RPAP2: variants seen among roughly 807,000 people sequenced by gnomAD.
RPAP2 encodes the protein RNA polymerase II associated protein 2.
In RPAP2, 52 loss-of-function variants were observed where a neutral mutation model predicts 73.1. The observed-to-expected ratio is 0.71, with a 90% CI of 0.57 to 0.90. The LOEUF (loss-of-function observed/expected upper bound fraction) is 0.90. RPAP2 is among the 40% of genes least tolerant of loss of function. RPAP2 has a pLI of 0.00. For missense variants in RPAP2, 598 were observed against 701.8 expected (o/e 0.85, Z 1.67); for synonymous variants, 225 against 242.1 (o/e 0.93, Z 0.65).
rs1188527446 is a variant in RPAP2, at chr1:92,393,870, T to C, written c.*6859T>C. ...TGGAAAAATTGGAACGCTTTTACAC[T>C]GTTGGTGGGAGTGCAAATTAGTCCG... On this transcript the variant is annotated 3_prime_UTR_variant, in exon 13 of 13. Transcript: ENST00000610020. 1 of 152,230 alleles carries C rather than the reference T, an allele frequency of 6.6e-6. No homozygotes were observed. The highest frequency in any genetic ancestry group is 1.5e-5 in the Non-Finnish European group (1 of 68,044). The allele number at this position is 152,230 out of a possible 1,614,324, so 9.4% of individuals were successfully genotyped here.
Position 92,301,537 on chromosome 1 carries a change from A to G in RPAP2, c.181A>G (p.Ile61Val), listed in dbSNP as rs1443666303. ...TGAATTTGAGAGAAAAGCTCTACAT[A>G]TTGTTGAACAGCTTTTAGAGGAGAA... Reference protein sequence around the residue: ...KIEFERKALHIVEQLLEENIT... With the variant: ...KIEFERKALHVVEQLLEENIT... The change falls in exon 3 of 13, where the codon ATT (isoleucine) becomes GTT (valine). Residue 61 changes from isoleucine (I) to valine (V), a missense_variant. Physicochemically the swap from Ile to Val is conservative, Grantham distance 29 (BLOSUM62 3). Around this residue, in one of 3 missense-constraint regions of RPAP2, gnomAD observed 506 missense variants for 612.8 expected, o/e 0.83. Transcript: ENST00000610020. The G allele has an allele frequency of 6.3e-7, 1 of 1,594,496 alleles. No homozygotes were observed. The highest frequency in any genetic ancestry group is 1.1e-5 in the South Asian group (1 of 87,688).
chr1:92,323,681 A>C lies in RPAP2; in HGVS notation c.761A>C (p.His254Pro). 6.2e-7 allele frequency: 1 copy of C among 1,613,828 alleles called. No individual in the cohort carries two copies. Among genetic ancestry groups the C allele is most frequent in the East Asian group, 2.2e-5 (1 of 44,868 alleles). ...AGCATAATGAAAAAGAAAGCTGGTCACAAAGCTAACTCCAAACACAAAGAC... is the reference window on the plus strand; with the variant it reads ...AGCATAATGAAAAAGAAAGCTGGTCCCAAAGCTAACTCCAAACACAAAGAC... The part of the protein sequence containing the change: ...QKSIMKKKAG[H>P]KANSKHKDKE... Residue 254 changes from histidine (H) to proline (P), a missense_variant, in exon 8 of 13, where the codon CAC becomes CCC. Physicochemically the swap from His to Pro is moderately conservative, Grantham distance 77. Around this residue, in one of 3 missense-constraint regions of RPAP2, gnomAD observed 506 missense variants for 612.8 expected, o/e 0.83. Coordinates refer to ENST00000610020, the MANE Select transcript of RPAP2 (RefSeq NM_024813.3).
At chr1:92,331,849 CTT>C (rs977636686) in intron 8 of RPAP2, among the ~76,000 whole-genome samples, 2 of 151,966 alleles carry the variant, frequency 1.3e-5, no homozygotes, top group Non-Finnish European at 2.9e-5. Flanking sequence ...CTCAGTTTTT[CTT>C]TGTCAGAAAA....
At chr1:92,359,800 G>T (rs1243842330) in intron 11 of RPAP2, among the ~76,000 whole-genome samples, 1 of 152,176 alleles carries the variant, frequency 6.6e-6, no homozygotes, top group Non-Finnish European at 1.5e-5. Flanking sequence ...GGATGAAATG[G>T]CAAGAGGCAG....
rs747634587 is a variant in RPAP2 at position 92,323,773 on chromosome 1, G to A, written c.853G>A (p.Asp285Asn). 4.2e-5 allele frequency: 68 copies of A among 1,613,990 alleles called. 1 individual carries two copies. The highest frequency in any genetic ancestry group is 3.6e-4 in the South Asian group (33 of 91,084). ...TTGCAAATTAGATAGTCAGGAGAAA[G>A]ATGCTACATGTGAACTTCCTTTACA... ...GDCKLDSQEKDATCELPLQKV... is the reference protein window; with the variant it reads ...GDCKLDSQEKNATCELPLQKV... Residue 285 changes from aspartate to asparagine, a missense_variant, in exon 8 of 13, where the codon GAT becomes AAT. By Grantham distance (23) the Asp-to-Asn change is conservative. This residue lies in a region of RPAP2 where 506 missense variants were observed against 612.8 expected (regional missense o/e 0.83). Transcript: ENST00000610020.
At chr1:92,374,592 T>TAGTA (rs1335174143) in intron 11 of RPAP2, among the ~76,000 whole-genome samples, 7 of 152,256 alleles carry the variant, frequency 4.6e-5, no homozygotes, top group African/African-American at 1.7e-4. Context: ...AGAATCCCAA[T>TAGTA]AGTAAGTAGC....
chr1:92,305,450 A>AAAAAAAAAAAAAC (rs1202528088), intron 5 of RPAP2, among the ~76,000 whole-genome samples: 18 of 141,904 alleles, frequency 1.3e-4, no homozygotes, highest in African/African-American at 5.0e-4. Flanking sequence ...AAAAAAAAAA[A>AAAAAAAAAAAAAC]AGACAATATG....
At chr1:92,343,590 G>A (rs981766654) in intron 10 of RPAP2, among the ~76,000 whole-genome samples, 22 of 152,120 alleles carry the variant, frequency 1.4e-4, no homozygotes, top group African/African-American at 5.3e-4. Flanking sequence ...TTTGATTCAG[G>A]TATATATTTT....
intron 8 of RPAP2, among the ~76,000 whole-genome samples, chr1:92,332,141 C>T (rs964090601): frequency 3.3e-5 from 5 of 151,342 alleles, no homozygotes; most frequent in African/African-American, 9.7e-5. Context: ...TTGTAGGTCT[C>T]TTAATCTCCT....
intron 6 of RPAP2, among the ~76,000 whole-genome samples, chr1:92,314,012 G>A (rs139216339): frequency 0.02 from 2,974 of 152,270 alleles, 50 homozygotes; most frequent in Non-Finnish European, 0.029. Context: ...TCTGGATTAG[G>A]CTTAAGGGAA....
In RPAP2 at chr1:92,368,646, T is replaced by C. The variant is rs115954819; in HGVS notation, c.1689-12078T>C. On this transcript the variant is annotated intron_variant, in intron 11 of 12. Transcript: ENST00000610020. The stretch of plus-strand genomic sequence containing the variant: ...GCCAACTTTTAATTAAAAATCTCTC[T>C]CTTGATTCAGTTATCTTGCCCAAAC... Among the ~76,000 whole-genome samples, 905 of 152,320 alleles carry C rather than the reference T, an allele frequency of 5.9e-3. 8 individuals carry two copies. Among genetic ancestry groups the C allele is most frequent in the African/African-American group, 0.019 (797 of 41,576 alleles).
At chr1:92,299,458 G>C (rs1270769452) in intron 1 of RPAP2, among the ~76,000 whole-genome samples, 1 of 152,098 alleles carries the variant, frequency 6.6e-6, no homozygotes, top group East Asian at 1.9e-4. Flanking sequence ...AAGTGACTAG[G>C]GCAGCGTTGG....
At chr1:92,345,816 C>G in intron 10 of RPAP2, 30 bp from the exon 11 acceptor site, 4 of 1,327,494 alleles carry the variant, frequency 3.0e-6, no homozygotes, top group Non-Finnish European at 4.3e-6. Flanking sequence ...AAAGGTAACA[C>G]TCCTTGGATA....
At chr1:92,299,584 G>C (rs1650646356) in intron 1 of RPAP2, among the ~76,000 whole-genome samples, 1 of 152,088 alleles carries the variant, frequency 6.6e-6, no homozygotes. Flanking sequence ...ACGGAGAGAG[G>C]TTTCCCCTAA....
At chr1:92,325,062 T>C (rs1254345912) in intron 8 of RPAP2, among the ~76,000 whole-genome samples, 1 of 152,204 alleles carries the variant, frequency 6.6e-6, no homozygotes, top group African/African-American at 2.4e-5. Flanking sequence ...ACATGACATA[T>C]AATTGGTACT....
intron 10 of RPAP2, among the ~76,000 whole-genome samples, chr1:92,338,322 G>A (rs1653392411): frequency 1.3e-5 from 2 of 152,168 alleles, no homozygotes; most frequent in African/African-American, 4.8e-5. Context: ...CCTCAGATTG[G>A]CCTTGGCCTT....
Position 92,387,172 on chromosome 1 carries a change from A to G in RPAP2, c.*161A>G. 1 of 579,540 alleles carries G rather than the reference A, an allele frequency of 1.7e-6. No individual in the cohort carries two copies. The highest frequency in any genetic ancestry group is 2.8e-6 in the Non-Finnish European group (1 of 353,560). The allele number at this position is 579,540 out of a possible 1,614,324, so 35.9% of individuals were successfully genotyped here. A position where few individuals can be genotyped will look rare whatever the true frequency, so the allele number is the denominator to read the frequency against. ...CCCATCTCCCAGTCCTTCAGTCCCC[A>G]ACTGCAGAGGATGACCTCCCCAGAT... On this transcript the variant is annotated 3_prime_UTR_variant, in exon 13 of 13. Transcript: ENST00000610020.
At chr1:92,326,460 T>C (rs532016831) in intron 8 of RPAP2, among the ~76,000 whole-genome samples, 105 of 152,266 alleles carry the variant, frequency 6.9e-4, no homozygotes, top group African/African-American at 2.5e-3. Context: ...GGTGGCACTT[T>C]CAAGAGAGCA....
chr1:92,345,895 G>A lies in RPAP2; in HGVS notation c.1669G>A (p.Ala557Thr). The change falls in exon 11 of 13, where the codon GCT (alanine) becomes ACT (threonine). Residue 557 changes from alanine (A) to threonine (T), a missense_variant. By Grantham distance (58) the Ala-to-Thr change is moderately conservative (BLOSUM62 0). This residue lies in a region of RPAP2 where 506 missense variants were observed against 612.8 expected (regional missense o/e 0.83). Coordinates refer to ENST00000610020, the MANE Select transcript of RPAP2 (RefSeq NM_024813.3). ...IHKPAEWTLI[A>T]MVLLSLLTPI... Reference sequence around the variant, plus strand: ...CAAACCTGCGGAATGGACTTTAATTGCTATGGTGTTGCTGTCATTGTAAGT... The same window carrying A: ...CAAACCTGCGGAATGGACTTTAATTACTATGGTGTTGCTGTCATTGTAAGT... 1.9e-6 allele frequency: 3 copies of A among 1,604,722 alleles called. No individual in the cohort carries two copies. Among genetic ancestry groups the A allele is most frequent in the Non-Finnish European group, 2.6e-6 (3 of 1,172,420 alleles).
Sources: allele counts gnomAD v4.1 joint callset (sites outside exome capture counted in the v4.1 genomes callset), GRCh38; gene constraint gnomAD v4.1.1; regional missense constraint gnomAD v4.1.1; transcripts MANE v1.5; gene names NCBI Gene and HGNC (gene_info 2026-07-23, HGNC 2026-07-21).